Variants in ZNF653 observed in about 807,000 individuals in gnomAD.
The protein encoded by ZNF653 is zinc finger protein 653.
Under a neutral mutation model 59.9 loss-of-function variants are expected in ZNF653, and 37 were observed. The observed-to-expected ratio is 0.62, with a 90% CI of 0.48 to 0.81. The LOEUF is 0.81. Among genes scored for constraint, ZNF653 ranks in the 40% least tolerant of loss-of-function variants. ZNF653 has a pLI of 0.00. For synonymous variants in ZNF653, 435 were observed against 371.8 expected (o/e 1.17, Z -1.96); for missense variants, 808 against 881.1 (o/e 0.92, Z 1.05).
chr19:11,505,239 G>A (rs1260860853), intron 1 of ZNF653: 4 of 435,558 alleles, frequency 9.2e-6, no homozygotes, highest in African/African-American at 8.3e-5. Context: ...AGCGGGCGGG[G>A]CCAAGCGCTC....
At chr19:11,489,106 G>C (rs1417150479) in intron 3 of ZNF653, among the ~76,000 whole-genome samples, 1 of 151,134 alleles carries the variant, frequency 6.6e-6, no homozygotes, top group African/African-American at 2.4e-5. Context: ...TGCCATGTTG[G>C]CCAGGCTAGC....
chr19:11,490,062 T>G (rs1258688283), intron 3 of ZNF653, among the ~76,000 whole-genome samples: 2 of 152,210 alleles, frequency 1.3e-5, no homozygotes, highest in Non-Finnish European at 2.9e-5. Flanking sequence ...ACCGCCGGAC[T>G]TCAGATGTCA....
rs149513507 is a variant in ZNF653 at position 11,487,592 on chromosome 19, C to T, written c.871G>A (p.Ala291Thr). 9.2e-5 allele frequency: 149 copies of T among 1,613,774 alleles called. No homozygotes were observed. The highest frequency in any genetic ancestry group is 4.7e-4 in the Admixed American group (28 of 60,000). ...TCCTGGGGCACGTTCTCAAAGAGGG[C>T]GCTGGGGCCCGCACCCACTTGCACA... ...VPVQVGAGPS[A>T]LFENVPQEAL... Residue 291 changes from alanine to threonine, a missense_variant, in exon 4 of 9, where the codon GCC becomes ACC. Coordinates refer to ENST00000293771, the MANE Select transcript of ZNF653 (RefSeq NM_138783.4). The surrounding 1 kb of genome is among the most constrained non-coding windows in gnomAD (Gnocchi z 5.1).
chr19:11,496,226 C>T (rs1356117082), intron 2 of ZNF653, 61 bp from the exon 3 acceptor site: 1 of 1,538,080 alleles, frequency 6.5e-7, no homozygotes, highest in African/African-American at 1.4e-5. Context: ...GGTGACATGG[C>T]TGCCTGAACC....
In ZNF653 at chr19:11,505,633, G is replaced by C. The variant is rs1971711680; in HGVS notation, c.154C>G (p.Arg52Gly). The C allele has an allele frequency of 6.7e-7, 1 of 1,500,484 alleles. No homozygotes were observed. The highest frequency in any genetic ancestry group is 8.8e-7 in the Non-Finnish European group (1 of 1,131,888). 92.9% of individuals were successfully genotyped at this position (1,500,484 alleles called of 1,614,324 possible). Residue 52 changes from arginine (R) to glycine (G), a missense_variant, in exon 1 of 9, where the codon CGG (arginine) becomes GGG (glycine). By Grantham distance (125) the Arg-to-Gly change is moderately radical. Transcript: ENST00000293771. ...SDRARRRLESRKKYDVRRVYL... is the reference protein window; with the variant it reads ...SDRARRRLESGKKYDVRRVYL... ...ACGCGCCGCACGTCGTACTTCTTCC[G>C]GGACTCGAGCCGTCGCCGGGCCCGG...
chr19:11,487,062 G>A lies in ZNF653; in HGVS notation c.1268C>T (p.Ala423Val), dbSNP rs1201712403. ...GTCCAGCTCCTCCCCGTCCGCCTCT[G>A]CCTCAGGCTCTGCGCTCTCAGGCAC... ...TTVPESAEPE[A>V]EADGEELDGS... Residue 423 changes from alanine to valine, a missense_variant, in exon 5 of 9, where the codon GCA becomes GTA. Physicochemically the swap from Ala to Val is moderately conservative, Grantham distance 64 (BLOSUM62 0). Coordinates refer to ENST00000293771, the MANE Select transcript of ZNF653 (RefSeq NM_138783.4). This position sits in a 1 kb window ranked among gnomAD's most constrained non-coding sequence, Gnocchi z 5.1. 1 of 1,614,116 alleles carries A rather than the reference G, an allele frequency of 6.2e-7. No individual in the cohort carries two copies. The highest frequency in any genetic ancestry group is 1.7e-5 in the Admixed American group (1 of 60,034).
Position 11,505,700 on chromosome 19 carries a change from C to T in ZNF653, c.87G>A (p.Ala29=). Residue 29 remains alanine (A), a synonymous_variant, in exon 1 of 9, where the codon GCG becomes GCA. Transcript: ENST00000293771. ...GGEAAAEEGA[A]GRKARGRPRL... is the part of the protein sequence containing the mutation. The stretch of plus-strand genomic sequence containing the variant: ...GCGGCCGGCCCCGCGCCTTTCGGCC[C>T]GCTGCGCCCTCCTCGGCTGCTGCCT... 6.7e-7 allele frequency: 1 copy of T among 1,485,404 alleles called. No individual in the cohort carries two copies. Among genetic ancestry groups the T allele is most frequent in the Non-Finnish European group, 8.9e-7 (1 of 1,126,516 alleles). 92.0% of individuals were successfully genotyped at this position (1,485,404 alleles called of 1,614,324 possible). A position where few individuals can be genotyped will look rare whatever the true frequency, so the allele number is the denominator to read the frequency against.
chr19:11,498,208 G>T, intron 2 of ZNF653, 88 bp downstream of exon 2: 1 of 1,583,770 alleles, frequency 6.3e-7, no homozygotes, highest in Non-Finnish European at 8.7e-7. Flanking sequence ...GCTGCCTAGG[G>T]CAGCGACCTG....
At position 11,487,612 on chromosome 19, in the gene ZNF653, T is replaced by C; in HGVS notation, c.851A>G (p.Gln284Arg). ...ETVVCVPVPV[Q>R]VGAGPSALFE... is the part of the protein sequence containing the mutation. Reference sequence around the variant, plus strand: ...GAGGGCGCTGGGGCCCGCACCCACTTGCACAGGCACCGGCACGCACACCAC... The same window carrying C: ...GAGGGCGCTGGGGCCCGCACCCACTCGCACAGGCACCGGCACGCACACCAC... Residue 284 changes from glutamine (Q) to arginine (R), a missense_variant, in exon 4 of 9, where the codon CAA becomes CGA. Transcript: ENST00000293771. This position sits in a 1 kb window ranked among gnomAD's most constrained non-coding sequence, Gnocchi z 5.1. 8 of 1,613,858 alleles carry C rather than the reference T, an allele frequency of 5.0e-6. No homozygotes were observed. The highest frequency in any genetic ancestry group is 6.8e-6 in the Non-Finnish European group (8 of 1,179,978).
At chr19:11,504,872 G>C (rs550517974) in intron 1 of ZNF653, 1 of 152,350 alleles carries the variant, frequency 6.6e-6, no homozygotes, top group African/African-American at 2.4e-5. Context: ...ACAAAGACAG[G>C]CCTCTCTGCC....
intron 3 of ZNF653, among the ~76,000 whole-genome samples, chr19:11,490,553 AT>A (rs59221206): frequency 2.3e-4 from 34 of 147,178 alleles, no homozygotes; most frequent in East Asian, 5.9e-4. Flanking sequence ...TGTCAGGCTA[AT>A]TTTTTTTTTT....
At chr19:11,494,950 G>T (rs1197926160) in intron 3 of ZNF653, among the ~76,000 whole-genome samples, 1 of 152,230 alleles carries the variant, frequency 6.6e-6, no homozygotes, top group Non-Finnish European at 1.5e-5. Flanking sequence ...TGCAGATCAT[G>T]GGATGGGGCA....
In ZNF653 at chr19:11,483,454, C is replaced by G; in HGVS notation, c.*228G>C. The G allele has an allele frequency of 7.4e-7, 1 of 1,359,046 alleles. No homozygotes were observed. Among genetic ancestry groups the G allele is most frequent in the Non-Finnish European group, 9.5e-7 (1 of 1,057,148 alleles). 84.2% of individuals were successfully genotyped at this position (1,359,046 alleles called of 1,614,324 possible). The stretch of plus-strand genomic sequence containing the variant: ...TCCTTTCTCGCTCTTTAATCTCACT[C>G]TGCTCTCTTGACACAGTTCCAGCAA... On this transcript the variant is annotated 3_prime_UTR_variant, in exon 9 of 9. Coordinates refer to ENST00000293771, the MANE Select transcript of ZNF653 (RefSeq NM_138783.4).
rs1555736352 is a variant in ZNF653 at position 11,487,978 on chromosome 19, T to TTTTTTTTATTTA, written c.560-76_560-75insTAAATAAAAAAA. 6 of 1,134,862 alleles carry TTTTTTTTATTTA rather than the reference T, an allele frequency of 5.3e-6. No homozygotes were observed. The African/African-American group carries it at 8.0e-5, about 15-fold the overall frequency. 70.3% of individuals were successfully genotyped at this position (1,134,862 alleles called of 1,614,324 possible). On this transcript the variant is annotated intron_variant, in intron 3 of 8. Coordinates refer to ENST00000293771, the MANE Select transcript of ZNF653 (RefSeq NM_138783.4). This position sits in a 1 kb window ranked among gnomAD's most constrained non-coding sequence, Gnocchi z 5.1. ...ATTTGTTTATTTAGTTTTTATTTTA[T>TTTTTTTTATTTA]TTTATTTATTTATTTATTTATTTTT...
chr19:11,503,379 T>C (rs950667737), intron 1 of ZNF653, among the ~76,000 whole-genome samples: 1 of 152,236 alleles, frequency 6.6e-6, no homozygotes, highest in Non-Finnish European at 1.5e-5. Flanking sequence ...TTTACTGAAA[T>C]GCTATCTTCT....
At chr19:11,496,688 C>T (rs1460292322) in intron 2 of ZNF653, among the ~76,000 whole-genome samples, 1 of 152,216 alleles carries the variant, frequency 6.6e-6, no homozygotes, top group East Asian at 1.9e-4. Context: ...GCTAACATGG[C>T]GAAAACCCAT....
At position 11,504,166 on chromosome 19, in the gene ZNF653, CCGAGG is replaced by C. The variant is rs1233592055; in HGVS notation, c.299+1317_299+1321del. ...CCTGTAATCCCAGCACTTTGGGAGG[CCGAGG>C]CGGGTGGATCACGAGGTCAGGAGAT... On this transcript the variant is annotated intron_variant, in intron 1 of 8. Transcript: ENST00000293771. Among the ~76,000 whole-genome samples, 3 of 151,864 alleles carry C rather than the reference CCGAGG, an allele frequency of 2.0e-5. No homozygotes were observed. In the East Asian group the frequency reaches 5.8e-4, roughly 29 times the overall value.
chr19:11,486,597 G>T (rs886772782), intron 6 of ZNF653, among the ~76,000 whole-genome samples, 172 bp downstream of exon 6: 2 of 152,266 alleles, frequency 1.3e-5, no homozygotes, highest in African/African-American at 4.8e-5. Context: ...TGGCACAAAG[G>T]CCTGTTGTTG....
In ZNF653 at chr19:11,489,543, C is replaced by A. The variant is rs186488721; in HGVS notation, c.560-1640G>T. The stretch of plus-strand genomic sequence containing the variant: ...ATCAGGTCTTGTTATGCTACCCAGG[C>A]TGTGGCCTTGAACTCCTGGGCTCCA... On this transcript the variant is annotated intron_variant, in intron 3 of 8. Transcript: ENST00000293771. Among the ~76,000 whole-genome samples the A allele has an allele frequency of 1.2e-3, 176 of 152,208 alleles. 1 individual carries two copies. The highest frequency in any genetic ancestry group is 3.4e-3 in the Middle Eastern group (1 of 294).
Sources: allele counts gnomAD v4.1 joint callset (sites outside exome capture counted in the v4.1 genomes callset), GRCh38; gene constraint gnomAD v4.1.1; non-coding constraint Gnocchi (gnomAD v3.1); transcripts MANE v1.5; gene names NCBI Gene and HGNC (gene_info 2026-07-23, HGNC 2026-07-21).